KIDINS220: variants seen among roughly 807,000 people sequenced by gnomAD.
The protein encoded by KIDINS220 is kinase D-interacting substrate of 220 kDa.
Under a neutral mutation model 157.6 loss-of-function variants are expected in KIDINS220, and 63 were observed. The observed-to-expected ratio is 0.40, with a 90% CI of 0.33 to 0.49. The LOEUF (loss-of-function observed/expected upper bound fraction) is 0.49, where lower values mean the gene tolerates loss of function less well. Ranked by LOEUF, KIDINS220 falls within the 20% of genes least tolerant of loss-of-function variation. The pLI is 0.66. For synonymous variants in KIDINS220, 732 were observed against 783.6 expected (o/e 0.93, Z 1.10); for missense variants, 1,772 against 2,171.2 (o/e 0.82, Z 3.65).
chr2:8,741,929 G>A (rs1665679991), intron 26 of KIDINS220, among the ~76,000 whole-genome samples: 1 of 152,190 alleles, frequency 6.6e-6, no homozygotes, highest in South Asian at 2.1e-4. Flanking sequence ...AAAGCTGGTT[G>A]AGGCTACTGT....
chr2:8,779,022 C>T lies in KIDINS220; in HGVS notation c.2488G>A (p.Gly830Ser). 6.2e-7 allele frequency: 1 copy of T among 1,614,084 alleles called. No individual in the cohort carries two copies. The highest frequency in any genetic ancestry group is 8.5e-7 in the Non-Finnish European group (1 of 1,180,010). The change falls in exon 19 of 30, where the codon GGC (glycine) becomes AGC (serine). Residue 830 changes from glycine (G) to serine (S), a missense_variant. Around this residue, in one of 3 missense-constraint regions of KIDINS220, gnomAD observed 725 missense variants for 1,017.1 expected, o/e 0.71. Coordinates refer to ENST00000256707, the MANE Select transcript of KIDINS220 (RefSeq NM_020738.4). ...NSVLRDSNIN[G>S]HDYMRNIVHL... The stretch of plus-strand genomic sequence containing the variant: ...ACTATGTTGCGCATGTAGTCATGGC[C>T]ATTTATATTTGAATCCCGAAGCACA...
At position 8,731,840 on chromosome 2, in the gene KIDINS220, C is replaced by A. The variant is rs769846502; in HGVS notation, c.4196G>T (p.Gly1399Val). The A allele has an allele frequency of 6.2e-7, 1 of 1,614,070 alleles. No homozygotes were observed. The highest frequency in any genetic ancestry group is 8.5e-7 in the Non-Finnish European group (1 of 1,180,008). ...ACTAATGGTTGTAGACCCGGGGCCC[C>A]CTTCTAACTGGGACATCTGAGCAAT... ...EYIAQMSQLEGGPGSTTISGR... is the reference protein window; with the variant it reads ...EYIAQMSQLEVGPGSTTISGR... The change falls in exon 30 of 30, where the codon GGG becomes GTG. Residue 1399 changes from glycine to valine, a missense_variant. Physicochemically the swap from Gly to Val is moderately radical, Grantham distance 109. Transcript: ENST00000256707. The surrounding 1 kb of genome is among the most constrained non-coding windows in gnomAD (Gnocchi z 5.2).
downstream of KIDINS220, among the ~76,000 whole-genome samples, chr2:8,726,439 TAG>T (rs1420337186): frequency 6.6e-6 from 1 of 152,270 alleles, no homozygotes; most frequent in Admixed American, 6.5e-5. Context: ...GCAACCATTT[TAG>T]AGGTTTCTTA....
At chr2:8,740,876 T>C (rs1665530260) in intron 26 of KIDINS220, among the ~76,000 whole-genome samples, 1 of 152,250 alleles carries the variant, frequency 6.6e-6, no homozygotes, top group African/African-American at 2.4e-5. Context: ...CTTAAAATGC[T>C]TAAAATGATC....
At chr2:8,753,799 TAA>T (rs1667672726) in intron 22 of KIDINS220, among the ~76,000 whole-genome samples, 1 of 152,200 alleles carries the variant, frequency 6.6e-6, no homozygotes, top group Non-Finnish European at 1.5e-5. Context: ...GAAAGTCATC[TAA>T]GGGAAAAACC....
intron 17 of KIDINS220, 36 bp downstream of exon 17, chr2:8,785,705 C>T: frequency 6.4e-7 from 1 of 1,561,236 alleles, no homozygotes; most frequent in Non-Finnish European, 8.7e-7. Context: ...AACATATTCG[C>T]ATTACAATTT....
rs772669272 is a variant in KIDINS220 at position 8,785,769 on chromosome 2, T to G, written c.2201A>C (p.His734Pro). Residue 734 changes from histidine (H) to proline (P), a missense_variant, in exon 17 of 30, where the codon CAC becomes CCC. By Grantham distance (77) the His-to-Pro change is moderately conservative. Around this residue, in one of 3 missense-constraint regions of KIDINS220, gnomAD observed 725 missense variants for 1,017.1 expected, o/e 0.71. Coordinates refer to ENST00000256707, the MANE Select transcript of KIDINS220 (RefSeq NM_020738.4). ...CATGAATCCTTCACTTTTCAATTTGTGCAGTTTGGAGGCTGCATTATGGAG... is the reference window on the plus strand; with the variant it reads ...CATGAATCCTTCACTTTTCAATTTGGGCAGTTTGGAGGCTGCATTATGGAG... ...KRLHNAASKL[H>P]KLKSEGFMKV... is the part of the protein sequence containing the mutation. 8.1e-6 allele frequency: 13 copies of G among 1,609,706 alleles called. No homozygotes were observed. The highest frequency in any genetic ancestry group is 1.1e-5 in the Non-Finnish European group (13 of 1,179,016).
chr2:8,835,020 T>C (rs915421470), intron 1 of KIDINS220, among the ~76,000 whole-genome samples: 2 of 152,140 alleles, frequency 1.3e-5, no homozygotes, highest in Non-Finnish European at 2.9e-5. Flanking sequence ...TTGTTTACAT[T>C]TTTAATTTTT....
In KIDINS220 at chr2:8,779,058, T is replaced by G. The variant is rs1671350036; in HGVS notation, c.2452A>C (p.Asn818His). 2 of 1,614,014 alleles carry G rather than the reference T, an allele frequency of 1.2e-6. No homozygotes were observed. Among genetic ancestry groups the G allele is most frequent in the Non-Finnish European group, 1.7e-6 (2 of 1,180,032 alleles). Reference sequence around the variant, plus strand: ...GAATCCCGAAGCACACTATTGAGGTTCTGGTTAATTGCCTTTATGATAATA... The same window carrying G: ...GAATCCCGAAGCACACTATTGAGGTGCTGGTTAATTGCCTTTATGATAATA... ...PHIIIKAINQ[N>H]LNSVLRDSNI... The change falls in exon 19 of 30, where the codon AAC becomes CAC. Residue 818 changes from asparagine to histidine, a missense_variant. By Grantham distance (68) the Asn-to-His change is moderately conservative. Coordinates refer to ENST00000256707, the MANE Select transcript of KIDINS220 (RefSeq NM_020738.4).
chr2:8,732,858 C>T (rs770047368), intron 29 of KIDINS220, among the ~76,000 whole-genome samples: 12 of 152,250 alleles, frequency 7.9e-5, no homozygotes, highest in South Asian at 2.1e-4. Flanking sequence ...TTTCCTCCTG[C>T]GCTCTCCTCA....
At chr2:8,821,584 A>G (rs1055555653) in intron 2 of KIDINS220, among the ~76,000 whole-genome samples, 4 of 152,246 alleles carry the variant, frequency 2.6e-5, no homozygotes, top group African/African-American at 9.6e-5. Flanking sequence ...GAAGCCATCT[A>G]TCAGCCTTGA....
At chr2:8,813,097 T>C (rs965420557) in intron 5 of KIDINS220, 140 bp downstream of exon 5, 2 of 547,938 alleles carry the variant, frequency 3.7e-6, no homozygotes, top group African/African-American at 2.0e-5. Context: ...ATTACTGTGT[T>C]TTGAAATCAT....
At chr2:8,775,460 G>A (rs1337816195) in intron 21 of KIDINS220, among the ~76,000 whole-genome samples, 3 of 152,176 alleles carry the variant, frequency 2.0e-5, no homozygotes, top group Admixed American at 6.5e-5. Flanking sequence ...AGTCGGTGTG[G>A]CATTCTGGAA....
chr2:8,793,668 G>T, intron 12 of KIDINS220, 142 bp downstream of exon 12: 1 of 662,756 alleles, frequency 1.5e-6, no homozygotes, highest in East Asian at 2.9e-5. Flanking sequence ...CAAACTCCTG[G>T]GGTCAAGCAA....
chr2:8,755,277 G>C (rs550104190), intron 22 of KIDINS220, among the ~76,000 whole-genome samples: 8 of 152,254 alleles, frequency 5.3e-5, no homozygotes, highest in Non-Finnish European at 7.4e-5. Context: ...GCATCCTGGA[G>C]ACCAACTTAT....
At chr2:8,795,812 T>G (rs1269595015) in intron 11 of KIDINS220, among the ~76,000 whole-genome samples, 1 of 152,220 alleles carries the variant, frequency 6.6e-6, no homozygotes, top group East Asian at 1.9e-4. Context: ...GTATCGCAAA[T>G]TGGGGGACCA....
At chr2:8,789,180 AT>A (rs3841086) in intron 14 of KIDINS220, among the ~76,000 whole-genome samples, 111,430 of 151,724 alleles carry the variant, frequency 0.73, 41,206 homozygotes, top group African/African-American at 0.81. Flanking sequence ...ATTATATTAT[AT>A]TTTTTTTATT....
chr2:8,826,860 A>G (rs1459517685), intron 2 of KIDINS220, 126 bp downstream of exon 2: 3 of 429,046 alleles, frequency 7.0e-6, no homozygotes, highest in Non-Finnish European at 8.3e-6. Context: ...AAGACATTCT[A>G]TCATAAGTAC....
chr2:8,751,196 C>T (rs1001849178), intron 23 of KIDINS220, among the ~76,000 whole-genome samples: 8 of 160 alleles, frequency 0.05, no homozygotes, highest in African/African-American at 0.12. Context: ...TGGGTGGGGG[C>T]GGGAGGGGTG....
Sources: gnomAD v4.1 joint callset for allele counts (sites outside exome capture counted in the v4.1 genomes callset) on GRCh38, gnomAD v4.1.1 for gene constraint, gnomAD v4.1.1 regional missense constraint, Gnocchi (gnomAD v3.1) non-coding constraint, MANE v1.5 for transcripts, NCBI Gene and HGNC (gene_info 2026-07-23, HGNC 2026-07-21) for gene names.